The following GYG1 variants were observed in gnomAD, a reference collection of about 807,000 sequenced individuals.
GYG1 encodes the protein glycogenin-1.
GYG1 carries 44 observed loss-of-function variants against 41.9 expected under a neutral mutation model. That is an observed-to-expected ratio of 1.05 (90% CI 0.83 to 1.35). GYG1 has a LOEUF of 1.35. Among genes scored for constraint, GYG1 ranks in the 40% most tolerant of loss-of-function variants. GYG1 has a pLI of 0.00. For synonymous variants in GYG1, 141 were observed against 158.1 expected (o/e 0.89, Z 0.81); for missense variants, 429 against 418.9 (o/e 1.02, Z -0.21).
At chr3:148,997,854 CT>C (rs1712896868) in intron 4 of GYG1, among the ~76,000 whole-genome samples, 1 of 152,234 alleles carries the variant, frequency 6.6e-6, no homozygotes, top group Admixed American at 6.5e-5. Context: ...GGCCCAAGCT[CT>C]GCTGGAGACA....
chr3:149,022,775 T>C (rs1714443896), intron 5 of GYG1, among the ~76,000 whole-genome samples: 1 of 152,102 alleles, frequency 6.6e-6, no homozygotes, highest in South Asian at 2.1e-4. Flanking sequence ...ATGACAGGTG[T>C]AAGCCACCGT....
rs117668582 is a variant in GYG1, at chr3:149,019,312, T to C, written c.609-4741T>C. ...GCCCCAACTAATTTGTAAAGAAACC[T>C]ACTTACATCCTAACACTTTGTGATT... On this transcript the variant is annotated intron_variant, in intron 5 of 7. Transcript: ENST00000345003. Among the ~76,000 whole-genome samples the C allele has an allele frequency of 3.6e-4, 55 of 152,286 alleles. No individual in the cohort carries two copies. In the East Asian group the frequency reaches 9.3e-3, roughly 26 times the overall value.
chr3:149,005,179 AT>A lies in GYG1; in HGVS notation c.482-4087del, dbSNP rs574470866. On this transcript the variant is annotated intron_variant, in intron 4 of 7. Coordinates refer to ENST00000345003, the MANE Select transcript of GYG1 (RefSeq NM_004130.4). ...AATATCCTTTATAACCTACACATAT[AT>A]TTTTTTTTTGGTAGTATACTTCATA... is the stretch of plus-strand genomic sequence containing the variant. Among the ~76,000 whole-genome samples, 666 of 149,658 alleles carry A rather than the reference AT, an allele frequency of 4.5e-3. 4 individuals are homozygous for A. The highest frequency in any genetic ancestry group is 8.7e-3 in the African/African-American group (356 of 40,926).
Position 149,016,442 on chromosome 3 carries a change from A to G in GYG1, c.608+7040A>G, listed in dbSNP as rs201483308. 4.6e-5 allele frequency among the ~76,000 whole-genome samples: 7 copies of G among 152,140 alleles called. No individual in the cohort carries two copies. The East Asian group carries it at 1.4e-3, about 29-fold the overall frequency. ...AAGAATGACATGCTGCCTCCAGGAG[A>G]GTCTCCCTAGTGGCCTGGTGTTGTA... On this transcript the variant is annotated intron_variant, in intron 5 of 7. Coordinates refer to ENST00000345003, the MANE Select transcript of GYG1 (RefSeq NM_004130.4).
At chr3:149,007,904 A>G (rs1270626057) in intron 4 of GYG1, 1 of 152,212 alleles carries the variant, frequency 6.6e-6, no homozygotes, top group Non-Finnish European at 1.5e-5. Flanking sequence ...TCATGAGTCT[A>G]AAATAGAAAG....
chr3:149,026,316 T>C (rs1714647949), intron 6 of GYG1, 136 bp from the exon 7 acceptor site: 1 of 751,674 alleles, frequency 1.3e-6, no homozygotes, highest in South Asian at 1.4e-5. Context: ...AGTTAGATTC[T>C]TTCTGAAATG....
rs951428905 is a variant in GYG1, at chr3:149,031,008, A to G, written c.*4075A>G. The G allele has an allele frequency of 1.3e-5, 2 of 152,168 alleles. No individual in the cohort carries two copies. The highest frequency in any genetic ancestry group is 4.8e-5 in the African/African-American group (2 of 41,440). 9.4% of individuals were successfully genotyped at this position (152,168 alleles called of 1,614,324 possible). On this transcript the variant is annotated 3_prime_UTR_variant, in exon 8 of 8. Transcript: ENST00000345003. Reference sequence around the variant, plus strand: ...ACATGAAGCTTCTCTTGTTTGTTAGAGTAATTAATCTTTCTTTGGATTAAA... The same window carrying G: ...ACATGAAGCTTCTCTTGTTTGTTAGGGTAATTAATCTTTCTTTGGATTAAA...
intron 4 of GYG1, among the ~76,000 whole-genome samples, chr3:148,999,493 C>T (rs1026621182): frequency 1.3e-5 from 2 of 152,206 alleles, no homozygotes; most frequent in African/African-American, 4.8e-5. Context: ...CTTTACTTAG[C>T]AAAGAAAGCT....
chr3:149,019,732 A>G (rs983332044), intron 5 of GYG1, among the ~76,000 whole-genome samples: 6 of 152,244 alleles, frequency 3.9e-5, no homozygotes, highest in African/African-American at 1.2e-4. Flanking sequence ...GGTAGAGATC[A>G]GTGCCTGAGT....
chr3:149,022,919 T>G (rs146956670), intron 5 of GYG1, among the ~76,000 whole-genome samples: 306 of 152,168 alleles, frequency 2.0e-3, no homozygotes, highest in Admixed American at 3.9e-3. Flanking sequence ...TTCATTCATT[T>G]TAGATTGTAT....
chr3:149,019,224 G>A (rs1202764374), intron 5 of GYG1, among the ~76,000 whole-genome samples: 2 of 151,936 alleles, frequency 1.3e-5, no homozygotes, highest in African/African-American at 4.8e-5. Context: ...TTACCTCCTC[G>A]CTCATGCTTC....
intron 4 of GYG1, among the ~76,000 whole-genome samples, chr3:149,002,706 G>A (rs1713161325): frequency 6.6e-6 from 1 of 152,124 alleles, no homozygotes; most frequent in African/African-American, 2.4e-5. Flanking sequence ...TATCCACCAA[G>A]CATTTTGTAG....
chr3:149,005,785 T>C (rs1054970370), intron 4 of GYG1, among the ~76,000 whole-genome samples: 1 of 152,220 alleles, frequency 6.6e-6, no homozygotes, highest in Non-Finnish European at 1.5e-5. Flanking sequence ...AGAATTTCCA[T>C]GCAGTTGTAA....
intron 1 of GYG1, chr3:148,992,593 G>C (rs1029393857): frequency 2.0e-5 from 3 of 152,240 alleles, no homozygotes; most frequent in Admixed American, 6.5e-5. Context: ...TGATCGCCTG[G>C]AACCTGGACT....
rs138847655 is a variant in GYG1 at position 149,030,014 on chromosome 3, C to G, written c.*3081C>G. 45 of 152,258 alleles carry G rather than the reference C, an allele frequency of 3.0e-4. No individual in the cohort carries two copies. The East Asian group carries it at 6.4e-3, about 22-fold the overall frequency. 9.4% of individuals were successfully genotyped at this position (152,258 alleles called of 1,614,324 possible). A position where few individuals can be genotyped will look rare whatever the true frequency, so the allele number is the denominator to read the frequency against. On this transcript the variant is annotated 3_prime_UTR_variant, in exon 8 of 8. Coordinates refer to ENST00000345003, the MANE Select transcript of GYG1 (RefSeq NM_004130.4). ...AGGATATGAGGACATTATTCTGTTACAGTAATCTTCATGTACTCTCAAAAA... is the reference window on the plus strand; with the variant it reads ...AGGATATGAGGACATTATTCTGTTAGAGTAATCTTCATGTACTCTCAAAAA...
chr3:149,026,244 T>G (rs1231364551), intron 6 of GYG1, among the ~76,000 whole-genome samples: 1 of 152,230 alleles, frequency 6.6e-6, no homozygotes, highest in Non-Finnish European at 1.5e-5. Flanking sequence ...TGGTACCTAG[T>G]CTCAAACCAG....
At chr3:149,002,524 G>C (rs1713151056) in intron 4 of GYG1, among the ~76,000 whole-genome samples, 1 of 152,198 alleles carries the variant, frequency 6.6e-6, no homozygotes, top group East Asian at 1.9e-4. Context: ...GTTGAGGCCA[G>C]TGAGATGCCG....
At chr3:149,020,127 A>AT (rs958377743) in intron 5 of GYG1, among the ~76,000 whole-genome samples, 1 of 151,726 alleles carries the variant, frequency 6.6e-6, no homozygotes, top group Non-Finnish European at 1.5e-5. Context: ...TTGTTATTCC[A>AT]TTTTTTCCTT....
rs761902446 is a variant in GYG1 at position 149,026,530 on chromosome 3, A to AT, written c.879+30dup. On this transcript the variant is annotated intron_variant, in intron 7 of 7. Coordinates refer to ENST00000345003, the MANE Select transcript of GYG1 (RefSeq NM_004130.4). ...ATGCAGAACTTAAAGATTAACCCTA[A>AT]TTACTTTGTTCTCCCAATGTTTTCA... is the stretch of plus-strand genomic sequence containing the variant. 8 of 1,458,378 alleles carry AT rather than the reference A, an allele frequency of 5.5e-6. No homozygotes were observed. In the East Asian group the frequency reaches 1.4e-4, roughly 25 times the overall value. 90.3% of individuals were successfully genotyped at this position (1,458,378 alleles called of 1,614,324 possible). A position where few individuals can be genotyped will look rare whatever the true frequency, so the allele number is the denominator to read the frequency against.
Sources: gnomAD v4.1 joint callset for allele counts (sites outside exome capture counted in the v4.1 genomes callset) on GRCh38, gnomAD v4.1.1 for gene constraint, MANE v1.5 for transcripts, NCBI Gene and HGNC (gene_info 2026-07-23, HGNC 2026-07-21) for gene names.